Variants in BTG4 observed in about 807,000 individuals in gnomAD.
BTG4 encodes BTG anti-proliferation factor 4.
BTG4 carries 10 observed loss-of-function variants against 19.3 expected under a neutral mutation model. The observed-to-expected ratio is 0.52, with a 90% CI of 0.32 to 0.88. BTG4 has a LOEUF of 0.88. BTG4 is among the 40% of genes least tolerant of loss of function. The pLI, the probability that BTG4 is intolerant of heterozygous loss-of-function variation, is 0.04. For missense variants in BTG4, 238 were observed against 281.9 expected, an observed-to-expected ratio of 0.84 and a Z score of 1.11; for synonymous variants, 91 against 95.7, an observed-to-expected ratio of 0.95 and a Z score of 0.29.
At chr11:111,494,619 G>T (rs1252574236), downstream of BTG4, among the ~76,000 whole-genome samples, 1 of 152,142 alleles carries the variant, frequency 6.6e-6, no homozygotes, top group African/African-American at 2.4e-5. Context: ...AAGTGGTAGA[G>T]GGTGAGGGGA....
intron 1 of BTG4, among the ~76,000 whole-genome samples, chr11:111,507,301 C>A (rs1418228624): frequency 6.6e-6 from 1 of 152,178 alleles, no homozygotes; most frequent in African/African-American, 2.4e-5. Flanking sequence ...GCTGTGCAGA[C>A]TACTAACTAG....
upstream of BTG4, chr11:111,512,930 G>A: frequency 2.2e-6 from 1 of 445,894 alleles, no homozygotes; most frequent in Admixed American, 2.5e-5. Context: ...TGCAGCCGCG[G>A]GTGCCCGGTG....
chr11:111,497,853 G>C, intron 3 of BTG4, 145 bp downstream of exon 3: 1 of 909,636 alleles, frequency 1.1e-6, no homozygotes, highest in Non-Finnish European at 1.6e-6. Flanking sequence ...TTGTCTAACA[G>C]AAGTTTGCAT....
intron 5 of BTG4, among the ~76,000 whole-genome samples, chr11:111,474,375 C>T (rs996846042): frequency 2.6e-5 from 4 of 152,126 alleles, no homozygotes; most frequent in African/African-American, 9.7e-5. Flanking sequence ...AACCACCATC[C>T]TGACTTCAAA....
the BTG4 span, among the ~76,000 whole-genome samples, chr11:111,392,684 C>T: frequency 6.6e-6 from 1 of 152,128 alleles, no homozygotes; most frequent in Non-Finnish European, 1.5e-5. Flanking sequence ...GAAAGCAGGG[C>T]CTCACCTGGC....
the BTG4 span, among the ~76,000 whole-genome samples, chr11:111,459,239 C>CAA: frequency 7.1e-6 from 1 of 140,232 alleles, no homozygotes; most frequent in African/African-American, 2.6e-5. Flanking sequence ...GATTCCGTCT[C>CAA]AAAAAAAAAA....
chr11:111,391,288 T>C, the BTG4 span, among the ~76,000 whole-genome samples: 3 of 152,158 alleles, frequency 2.0e-5, no homozygotes, highest in South Asian at 2.1e-4. Flanking sequence ...ACTCATACTG[T>C]TCAGAGTCTT....
At chr11:111,445,612 A>G in the BTG4 span, among the ~76,000 whole-genome samples, 1 of 152,242 alleles carries the variant, frequency 6.6e-6, no homozygotes, top group African/African-American at 2.4e-5. Context: ...CTGAGGCAGG[A>G]CATTTCAAAG....
At chr11:111,406,723 T>C in the BTG4 span, among the ~76,000 whole-genome samples, 1 of 152,202 alleles carries the variant, frequency 6.6e-6, no homozygotes, top group African/African-American at 2.4e-5. Context: ...TATTAGCCAC[T>C]GAAGAGCTAG....
chr11:111,423,655 A>G, the BTG4 span, among the ~76,000 whole-genome samples: 12 of 152,216 alleles, frequency 7.9e-5, no homozygotes, highest in Admixed American at 6.5e-4. Context: ...AATAAATAAT[A>G]ATATAACATG....
chr11:111,482,345 T>C (rs1224613794), intron 5 of BTG4, among the ~76,000 whole-genome samples: 2 of 152,086 alleles, frequency 1.3e-5, no homozygotes, highest in Non-Finnish European at 2.9e-5. Flanking sequence ...TGTTCATAAA[T>C]TGAAATACTC....
At chr11:111,391,845 G>GT in the BTG4 span, among the ~76,000 whole-genome samples, 2 of 152,126 alleles carry the variant, frequency 1.3e-5, no homozygotes, top group African/African-American at 2.4e-5. Context: ...GTTAGAGAGA[G>GT]TCTTTCTAAC....
the BTG4 span, among the ~76,000 whole-genome samples, chr11:111,402,679 A>G: frequency 6.6e-6 from 1 of 152,138 alleles, no homozygotes; most frequent in East Asian, 1.9e-4. Context: ...GTGTAGGAAG[A>G]GTGGGGGTGC....
chr11:111,388,838 G>C, the BTG4 span, among the ~76,000 whole-genome samples: 77 of 152,328 alleles, frequency 5.1e-4, 1 homozygote, highest in Middle Eastern at 0.01. Context: ...TGAGCTAAAG[G>C]CTCAAAGGAG....
At chr11:111,446,384 C>T in the BTG4 span, among the ~76,000 whole-genome samples, 9 of 152,212 alleles carry the variant, frequency 5.9e-5, no homozygotes, top group East Asian at 1.5e-3. Context: ...ATCAAAGTTC[C>T]TCGCAAAACT....
At chr11:111,454,407 T>C in the BTG4 span, 1 of 430,960 alleles carries the variant, frequency 2.3e-6, no homozygotes, top group Non-Finnish European at 4.6e-6. Flanking sequence ...GAGGAACATG[T>C]GGGGCTAGAA....
chr11:111,507,493 G>C (rs554963061), intron 1 of BTG4, among the ~76,000 whole-genome samples: 9 of 152,150 alleles, frequency 5.9e-5, no homozygotes, highest in African/African-American at 2.2e-4. Context: ...GAAGATCATT[G>C]ATCCTTCATT....
chr11:111,469,141 C>A (rs997595085), intron 5 of BTG4: 1 of 152,178 alleles, frequency 6.6e-6, no homozygotes, highest in Non-Finnish European at 1.5e-5. Flanking sequence ...AAGAAACGGG[C>A]GGTGGGAATG....
chr11:111,456,628 C>A, the BTG4 span: 2 of 437,076 alleles, frequency 4.6e-6, no homozygotes, highest in South Asian at 1.6e-5. This position sits in a 1 kb window ranked among gnomAD's most constrained non-coding sequence, Gnocchi z 4.2. Flanking sequence ...AGGCTCCATA[C>A]CCCCTGGCTA....
Sources: allele counts gnomAD v4.1 joint callset (sites outside exome capture counted in the v4.1 genomes callset), GRCh38; gene constraint gnomAD v4.1.1; non-coding constraint Gnocchi (gnomAD v3.1); transcripts MANE v1.5; gene names NCBI Gene and HGNC (gene_info 2026-07-23, HGNC 2026-07-21).